MERTK: variants seen among roughly 807,000 people sequenced by gnomAD.
The protein encoded by MERTK is MER proto-oncogene, tyrosine kinase.
A neutral mutation model predicts 99.3 loss-of-function variants in MERTK; 69 were observed. That is an observed-to-expected ratio of 0.70 (90% confidence interval 0.57 to 0.85). MERTK has a LOEUF of 0.85. Among genes scored for constraint, MERTK ranks in the 40% least tolerant of loss-of-function variants. The probability of loss-of-function intolerance (pLI) is 0.00; values close to 1 mark genes in which losing one functional copy is unlikely to be tolerated. For synonymous variants in MERTK, 426 were observed against 467.6 expected (o/e 0.91, Z 1.15); for missense variants, 1,125 against 1,249.4 (o/e 0.90, Z 1.50).
At chr2:111,990,244 T>C (rs1676589644) in intron 8 of MERTK, among the ~76,000 whole-genome samples, 1 of 152,264 alleles carries the variant, frequency 6.6e-6, no homozygotes, top group Non-Finnish European at 1.5e-5. Flanking sequence ...ATTTTAAAAC[T>C]ATATTTAAGT....
intron 7 of MERTK, among the ~76,000 whole-genome samples, chr2:111,981,436 A>G (rs2104739906): frequency 6.6e-6 from 1 of 152,214 alleles, no homozygotes; most frequent in Admixed American, 6.5e-5. Flanking sequence ...ATTATTTGAG[A>G]CAGAGTCTCA....
Position 111,951,522 on chromosome 2 carries a change from C to CAT in MERTK, c.757+3981_757+3982dup, listed in dbSNP as rs56410508. Among the ~76,000 whole-genome samples, 780 of 85,832 alleles carry CAT rather than the reference C, an allele frequency of 9.1e-3. 56 individuals are homozygous for CAT. Among genetic ancestry groups the CAT allele is most frequent in the East Asian group, 0.038 (136 of 3,556 alleles). 56.3% of individuals were successfully genotyped at this position (85,832 alleles called of 152,430 possible). ...TTTTGTACACGCTGAATAATATTCCCATATATATATATATATATATATATA... is the reference window on the plus strand; with the variant it reads ...TTTTGTACACGCTGAATAATATTCCCATATATATATATATATATATATATATA... On this transcript the variant is annotated intron_variant, in intron 4 of 18. Transcript: ENST00000295408.
chr2:111,982,560 TG>T (rs1289762742), intron 7 of MERTK, among the ~76,000 whole-genome samples: 1 of 152,180 alleles, frequency 6.6e-6, no homozygotes, highest in Non-Finnish European at 1.5e-5. Context: ...TTTAGTTTTT[TG>T]TTTTGTTTTG....
At chr2:111,904,463 G>A (rs113645544) in intron 1 of MERTK, among the ~76,000 whole-genome samples, 36,539 of 150,204 alleles carry the variant, frequency 0.24, 4,781 homozygotes, top group South Asian at 0.33. Flanking sequence ...TGCAACCTCC[G>A]CCTCCTGGCT....
chr2:111,974,454 C>G (rs932177911), intron 6 of MERTK, among the ~76,000 whole-genome samples: 1 of 151,400 alleles, frequency 6.6e-6, no homozygotes, highest in Non-Finnish European at 1.5e-5. Context: ...AGCAGTGTTC[C>G]TTAGGTTACA....
chr2:111,929,371 C>T lies in MERTK; in HGVS notation c.313C>T (p.Leu105Phe), dbSNP rs1204446145. The change falls in exon 2 of 19, where the codon CTT (leucine) becomes TTT (phenylalanine). Residue 105 changes from leucine (L) to phenylalanine (F), a missense_variant. Coordinates refer to ENST00000295408, the MANE Select transcript of MERTK (RefSeq NM_006343.3). ...CAAACACACAGTTGGACACATAATACTTTCTGAACATAAAGGTGTCAAATT... is the reference window on the plus strand; with the variant it reads ...CAAACACACAGTTGGACACATAATATTTTCTGAACATAAAGGTGTCAAATT... ...AFKHTVGHIILSEHKGVKFNC... is the reference protein window; with the variant it reads ...AFKHTVGHIIFSEHKGVKFNC... 7 of 1,614,150 alleles carry T rather than the reference C, an allele frequency of 4.3e-6. No homozygotes were observed. Among genetic ancestry groups the T allele is most frequent in the African/African-American group, 1.3e-5 (1 of 75,012 alleles).
In MERTK at chr2:111,910,815, C is replaced by G. The variant is rs141185363; in HGVS notation, c.61+12019C>G. The stretch of plus-strand genomic sequence containing the variant: ...GATTTTGTAGAAGTAAAAAGTAGGA[C>G]AAAGGTTACTAGGGCCTGGAAAGGA... On this transcript the variant is annotated intron_variant, in intron 1 of 18. Coordinates refer to ENST00000295408, the MANE Select transcript of MERTK (RefSeq NM_006343.3). Among the ~76,000 whole-genome samples the G allele has an allele frequency of 1.8e-3, 277 of 151,822 alleles. 2 individuals are homozygous for G. The highest frequency in any genetic ancestry group is 6.1e-3 in the African/African-American group (253 of 41,368).
chr2:111,991,793 G>A (rs866380221), intron 8 of MERTK, among the ~76,000 whole-genome samples: 10 of 151,990 alleles, frequency 6.6e-5, no homozygotes, highest in African/African-American at 2.2e-4. Context: ...TTTCCATCCC[G>A]GGGTCCTGGC....
intron 9 of MERTK, chr2:111,995,371 A>G (rs1676713899): frequency 5.3e-6 from 1 of 188,256 alleles, no homozygotes; most frequent in Non-Finnish European, 1.1e-5. Flanking sequence ...AGGTTGTTTA[A>G]TGTTAAACGG....
intron 2 of MERTK, among the ~76,000 whole-genome samples, chr2:111,939,766 A>G (rs1452434849): frequency 2.0e-5 from 3 of 149,986 alleles, no homozygotes; most frequent in Non-Finnish European, 4.4e-5. Context: ...AGCCTCCCAA[A>G]GTACTGGGAG....
chr2:112,004,607 G>A (rs987572235), intron 13 of MERTK, among the ~76,000 whole-genome samples: 1 of 152,184 alleles, frequency 6.6e-6, no homozygotes, highest in Non-Finnish European at 1.5e-5. Context: ...GCAAGGAGTA[G>A]AGCGCTATTA....
intron 1 of MERTK, among the ~76,000 whole-genome samples, chr2:111,901,427 C>G (rs183379334): frequency 7.9e-5 from 12 of 152,270 alleles, no homozygotes; most frequent in African/African-American, 2.9e-4. Flanking sequence ...TGTTCTGTTG[C>G]TTGTGGGCTT....
At chr2:111,903,105 C>T (rs1229870859) in intron 1 of MERTK, among the ~76,000 whole-genome samples, 1 of 152,096 alleles carries the variant, frequency 6.6e-6, no homozygotes, top group Non-Finnish European at 1.5e-5. Context: ...TCCTTTTCCT[C>T]CACTGTCCCC....
intron 8 of MERTK, 30 bp downstream of exon 8, chr2:111,983,023 A>G: frequency 6.8e-7 from 1 of 1,475,462 alleles, no homozygotes; most frequent in South Asian, 1.2e-5. Context: ...GAGCACGATT[A>G]GTCATCTCCT....
At chr2:111,977,637 T>G (rs1676280500) in intron 7 of MERTK, among the ~76,000 whole-genome samples, 2 of 152,158 alleles carry the variant, frequency 1.3e-5, no homozygotes, top group Non-Finnish European at 1.5e-5. Flanking sequence ...TTCTTCACAT[T>G]TTTTTTCTGT....
chr2:112,012,924 C>T (rs1440334976), intron 15 of MERTK, among the ~76,000 whole-genome samples: 2 of 152,118 alleles, frequency 1.3e-5, no homozygotes, highest in East Asian at 3.8e-4. Context: ...AAATGTGAGA[C>T]CCAATTTAGG....
intron 8 of MERTK, among the ~76,000 whole-genome samples, chr2:111,993,844 G>A (rs1676680287): frequency 6.6e-6 from 1 of 152,186 alleles, no homozygotes; most frequent in Admixed American, 6.5e-5. Context: ...ACTCGTGCTG[G>A]TTCAAGGGCA....
chr2:112,014,242 C>T (rs1295818868), intron 15 of MERTK, among the ~76,000 whole-genome samples: 5 of 152,080 alleles, frequency 3.3e-5, no homozygotes, highest in East Asian at 1.9e-4. Context: ...AGGATGGTCT[C>T]GATCTCCTGA....
intron 4 of MERTK, among the ~76,000 whole-genome samples, chr2:111,960,313 T>G (rs1685221812): frequency 6.6e-6 from 1 of 151,816 alleles, no homozygotes; most frequent in African/African-American, 2.4e-5. Flanking sequence ...AAACCCTGTC[T>G]CCATTAAAAA....
Sources: allele counts gnomAD v4.1 joint callset (sites outside exome capture counted in the v4.1 genomes callset), GRCh38; gene constraint gnomAD v4.1.1; transcripts MANE v1.5; gene names NCBI Gene and HGNC (gene_info 2026-07-23, HGNC 2026-07-21).